The following PCDHGA3 variants were observed in gnomAD, a reference collection of about 807,000 sequenced individuals.
PCDHGA3 encodes the protein protocadherin gamma subfamily A, 3, also known as protocadherin gamma-A3.
PCDHGA3 carries 40 observed loss-of-function variants against 58.5 expected under a neutral mutation model. The observed-to-expected ratio is 0.68, with a 90% confidence interval of 0.53 to 0.89. PCDHGA3 has a LOEUF of 0.89. Ranked by LOEUF, PCDHGA3 falls within the 40% of genes least tolerant of loss-of-function variation. The probability of loss-of-function intolerance (pLI) is 0.00; values close to 1 mark genes in which losing one functional copy is unlikely to be tolerated. For synonymous variants in PCDHGA3, 530 were observed against 525.7 expected (o/e 1.01, Z -0.11); for missense variants, 1,223 against 1,195.9 (o/e 1.02, Z -0.33).
At position 141,346,413 on chromosome 5, in the gene PCDHGA3, A is replaced by G; in HGVS notation, c.2380A>G (p.Thr794Ala). 1 of 1,614,280 alleles carries G rather than the reference A, an allele frequency of 6.2e-7. No homozygotes were observed. Among genetic ancestry groups the G allele is most frequent in the Non-Finnish European group, 8.5e-7 (1 of 1,180,054 alleles). ...SCEKSEPLLI[T>A]QDLLEMKGDS... ...TGAGAAAAGCGAGCCTCTTCTGATA[A>G]CTCAGGATTTACTTGAAATGAAAGG... Residue 794 changes from threonine (T) to alanine (A), a missense_variant, in exon 1 of 4, where the codon ACT becomes GCT. Physicochemically the swap from Thr to Ala is moderately conservative, Grantham distance 58. This residue lies in a region of PCDHGA3 where 325 missense variants were observed against 327.5 expected (regional missense o/e 0.99). Transcript: ENST00000253812.
At chr5:141,492,512 T>A (rs2099741406) in intron 1 of PCDHGA3, among the ~76,000 whole-genome samples, 1 of 152,116 alleles carries the variant, frequency 6.6e-6, no homozygotes, top group Admixed American at 6.5e-5. Flanking sequence ...GAGCCTCCTC[T>A]CACCTCTCCC....
In PCDHGA3 at chr5:141,477,854, C is replaced by G; in HGVS notation, c.2425-16953C>G. 3.1e-6 allele frequency: 5 copies of G among 1,614,098 alleles called. No individual in the cohort carries two copies. Among genetic ancestry groups the G allele is most frequent in the Non-Finnish European group, 4.2e-6 (5 of 1,180,004 alleles). ...GCCAGGTGGGAGCTCGGTGGAGATG[C>G]TGCCTCGAGGTACCTCAGCTGGCCA... On this transcript the variant is annotated intron_variant, in intron 1 of 3. Transcript: ENST00000253812. This position sits in a 1 kb window ranked among gnomAD's most constrained non-coding sequence, Gnocchi z 4.9.
At chr5:141,497,703 C>T (rs995815060) in intron 2 of PCDHGA3, among the ~76,000 whole-genome samples, 16 of 152,134 alleles carry the variant, frequency 1.1e-4, no homozygotes, top group African/African-American at 3.9e-4. Context: ...CCACACCCAG[C>T]TCATTTTTGT....
chr5:141,451,212 G>A (rs2098710632), intron 1 of PCDHGA3, among the ~76,000 whole-genome samples: 1 of 152,156 alleles, frequency 6.6e-6, no homozygotes, highest in Non-Finnish European at 1.5e-5. Context: ...AAACTTAGTG[G>A]CTTAAAAGAA....
At chr5:141,480,722 C>T (rs1002559431) in intron 1 of PCDHGA3, among the ~76,000 whole-genome samples, 1 of 152,174 alleles carries the variant, frequency 6.6e-6, no homozygotes, top group African/African-American at 2.4e-5. Flanking sequence ...AAAGCACAGT[C>T]TCTGGGGGTG....
chr5:141,432,823 C>A lies in PCDHGA3; in HGVS notation c.2425-61984C>A. 1 of 1,614,184 alleles carries A rather than the reference C, an allele frequency of 6.2e-7. No homozygotes were observed. Among genetic ancestry groups the A allele is most frequent in the Non-Finnish European group, 8.5e-7 (1 of 1,180,004 alleles). On this transcript the variant is annotated intron_variant, in intron 1 of 3. Transcript: ENST00000253812. The surrounding 1 kb of genome is among the most constrained non-coding windows in gnomAD (Gnocchi z 6.0). ...CTCCAGCTAACTCTGAAACCTCAGA[C>A]CTCACTCTGTACCTGGTGGTAGCGG...
Position 141,346,106 on chromosome 5 carries a change from G to A in PCDHGA3, c.2073G>A (p.Leu691=). 1 of 1,613,872 alleles carries A rather than the reference G, an allele frequency of 6.2e-7. No homozygotes were observed. The highest frequency in any genetic ancestry group is 8.5e-7 in the Non-Finnish European group (1 of 1,179,884). The change falls in exon 1 of 4, where the codon CTG becomes CTA. Residue 691 remains leucine, a synonymous_variant. Coordinates refer to ENST00000253812, the MANE Select transcript of PCDHGA3 (RefSeq NM_018916.4). The part of the protein sequence containing the change: ...SAKPNDSDLT[L]YLVVAVAAVS... ...AACCCAACGATTCGGACCTCACTCT[G>A]TACCTGGTGGTGGCGGTGGCCGCGG...
At chr5:141,484,891 C>T in intron 1 of PCDHGA3, 1 of 361,788 alleles carries the variant, frequency 2.8e-6, no homozygotes, top group Non-Finnish European at 5.0e-6. Context: ...GGGCTTTTTC[C>T]CCTCCAATGC....
intron 1 of PCDHGA3, chr5:141,383,348 T>C: frequency 6.2e-7 from 1 of 1,613,946 alleles, no homozygotes; most frequent in Admixed American, 1.7e-5. Context: ...GCTCCTGGGG[T>C]TCGGTTTCCG....
intron 1 of PCDHGA3, chr5:141,410,045 G>A (rs962300160): frequency 1.9e-6 from 3 of 1,613,048 alleles, no homozygotes; most frequent in African/African-American, 1.3e-5. Context: ...CAGTGAGCCC[G>A]GACTCTTCAG....
intron 2 of PCDHGA3, among the ~76,000 whole-genome samples, chr5:141,495,826 A>G (rs1190417828): frequency 6.6e-6 from 1 of 150,888 alleles, no homozygotes; most frequent in African/African-American, 2.4e-5. Flanking sequence ...GTGTTCTTCT[A>G]TCCCCAGCCT....
chr5:141,374,582 C>T, intron 1 of PCDHGA3: 1 of 1,613,744 alleles, frequency 6.2e-7, no homozygotes, highest in Non-Finnish European at 8.5e-7. Context: ...AATGAACTCC[C>T]TTCAGGGATT....
intron 1 of PCDHGA3, chr5:141,393,269 T>C (rs1481759237): frequency 1.2e-6 from 2 of 1,613,832 alleles, no homozygotes; most frequent in Non-Finnish European, 1.7e-6. Flanking sequence ...GAGCACGTTA[T>C]CCACTCCCAG....
Position 141,476,437 on chromosome 5 carries a change from TCTGGAGTTGGTAGTGGAGAACCC to T in PCDHGA3, c.2425-18369_2425-18347del. ...GGACACTGCCCTCTTGCACTGTAAC[TCTGGAGTTGGTAGTGGAGAACCC>T]GCTGGAGCTGTTCAGCGTGGAAGTG... On this transcript the variant is annotated intron_variant, in intron 1 of 3. Transcript: ENST00000253812. The surrounding 1 kb of genome is among the most constrained non-coding windows in gnomAD (Gnocchi z 7.6). 1 of 1,614,004 alleles carries T rather than the reference TCTGGAGTTGGTAGTGGAGAACCC, an allele frequency of 6.2e-7. No individual in the cohort carries two copies. The highest frequency in any genetic ancestry group is 2.2e-5 in the East Asian group (1 of 44,836).
chr5:141,419,945 T>TTGGCCTTGATTTCTG (rs1205104698), intron 1 of PCDHGA3: 6 of 1,613,970 alleles, frequency 3.7e-6, no homozygotes, highest in Non-Finnish European at 4.2e-6. Flanking sequence ...GGTGGTGGCC[T>TTGGCCTTGATTTCTG]TGGCCTTGAT....
intron 1 of PCDHGA3, chr5:141,351,309 A>C: frequency 6.2e-7 from 1 of 1,613,942 alleles, no homozygotes; most frequent in Non-Finnish European, 8.5e-7. Context: ...TCCTTCTCTA[A>C]CCAGATTCCA....
intron 1 of PCDHGA3, among the ~76,000 whole-genome samples, chr5:141,473,191 G>C (rs28479996): frequency 6.6e-6 from 1 of 152,134 alleles, no homozygotes; most frequent in South Asian, 2.1e-4. Flanking sequence ...AGGAGTAAAT[G>C]TATCTTCTAA....
chr5:141,409,262 G>C (rs768196825), intron 1 of PCDHGA3: 1 of 1,613,952 alleles, frequency 6.2e-7, no homozygotes, highest in Admixed American at 1.7e-5. Flanking sequence ...TTCTCTCTCT[G>C]ATCAGATTTT....
intron 2 of PCDHGA3, among the ~76,000 whole-genome samples, chr5:141,500,184 T>TTTTTTTTATTTATTTA (rs1554186429): frequency 7.4e-6 from 1 of 135,886 alleles, no homozygotes; most frequent in African/African-American, 2.7e-5. Flanking sequence ...TCATTTTTAT[T>TTTTTTTTATTTATTTA]TTTATTTATT....
Sources: allele counts gnomAD v4.1 joint callset (sites outside exome capture counted in the v4.1 genomes callset), GRCh38; gene constraint gnomAD v4.1.1; regional missense constraint gnomAD v4.1.1; non-coding constraint Gnocchi (gnomAD v3.1); transcripts MANE v1.5; gene names NCBI Gene and HGNC (gene_info 2026-07-23, HGNC 2026-07-21).